The following FCHSD2 variants were observed in gnomAD, a reference collection of about 807,000 sequenced individuals.
FCHSD2 encodes the protein FCH and double SH3 domains 2.
A neutral mutation model predicts 108.1 loss-of-function variants in FCHSD2; 38 were observed. The observed-to-expected ratio is 0.35, with a 90% CI of 0.27 to 0.46. The LOEUF (loss-of-function observed/expected upper bound fraction) is 0.46. FCHSD2 is among the 20% of genes least tolerant of loss of function. The pLI is 1.00. For synonymous variants in FCHSD2, 279 were observed against 314.7 expected, an observed-to-expected ratio of 0.89 and a Z score of 1.20; for missense variants, 751 against 897.8, an observed-to-expected ratio of 0.84 and a Z score of 2.09.
chr11:73,081,462 A>G (rs1565401144), intron 3 of FCHSD2, among the ~76,000 whole-genome samples: 4 of 152,170 alleles, frequency 2.6e-5, no homozygotes, highest in Admixed American at 6.6e-5. Flanking sequence ...ATCTTGTTAC[A>G]GAAGACTGTA....
chr11:73,026,760 G>A (rs1398681290), intron 3 of FCHSD2, among the ~76,000 whole-genome samples: 4 of 152,140 alleles, frequency 2.6e-5, no homozygotes, highest in Non-Finnish European at 5.9e-5. Flanking sequence ...GAGGTGATTG[G>A]ATCACAGGGG....
chr11:73,045,178 C>G (rs1043762352), intron 3 of FCHSD2, among the ~76,000 whole-genome samples: 3 of 152,126 alleles, frequency 2.0e-5, no homozygotes, highest in Admixed American at 2.0e-4. Context: ...TGCTCATCAT[C>G]ACTGGCCATC....
intron 8 of FCHSD2, among the ~76,000 whole-genome samples, chr11:72,964,137 T>C (rs1306786524): frequency 2.0e-5 from 3 of 152,224 alleles, no homozygotes; most frequent in Non-Finnish European, 4.4e-5. Context: ...CATTCAAATA[T>C]TTCTCTAAAG....
intron 12 of FCHSD2, among the ~76,000 whole-genome samples, chr11:72,874,279 T>C (rs745518805): frequency 6.6e-6 from 1 of 152,194 alleles, no homozygotes; most frequent in African/African-American, 2.4e-5. Flanking sequence ...CTCGAACTGC[T>C]GGGCTCAAGT....
chr11:72,964,789 CTTTTTTT>C lies in FCHSD2; in HGVS notation c.705+19292_705+19298del, dbSNP rs35280672. On this transcript the variant is annotated intron_variant, in intron 8 of 19. Coordinates refer to ENST00000409418, the MANE Select transcript of FCHSD2 (RefSeq NM_014824.3). ...CAAACATGTAAATTTGATCATTTCACTTTTTTTTTTTTTTTTTTGAGATGGAGTCTTG... is the reference window on the plus strand; with the variant it reads ...CAAACATGTAAATTTGATCATTTCACTTTTTTTTTTTGAGATGGAGTCTTG... Among the ~76,000 whole-genome samples the C allele has an allele frequency of 9.7e-3, 1,282 of 132,202 alleles. 7 individuals are homozygous for C. Among genetic ancestry groups the C allele is most frequent in the Non-Finnish European group, 0.016 (1,003 of 62,364 alleles). 86.7% of individuals were successfully genotyped at this position (132,202 alleles called of 152,430 possible).
At chr11:73,138,592 T>C (rs903796157) in intron 2 of FCHSD2, among the ~76,000 whole-genome samples, 1 of 150,762 alleles carries the variant, frequency 6.6e-6, no homozygotes, top group African/African-American at 2.4e-5. Context: ...GTTTCAGATA[T>C]CTTGCACAGG....
chr11:72,929,580 T>A (rs958274722), intron 8 of FCHSD2, among the ~76,000 whole-genome samples: 9 of 152,194 alleles, frequency 5.9e-5, no homozygotes, highest in Non-Finnish European at 1.3e-4. Flanking sequence ...CTGCCTTAAA[T>A]TGCAATTGTC....
In FCHSD2 at chr11:72,839,414, A is replaced by G. The variant is rs145635734; in HGVS notation, c.2140-540T>C. On this transcript the variant is annotated intron_variant, in intron 19 of 19. Coordinates refer to ENST00000409418, the MANE Select transcript of FCHSD2 (RefSeq NM_014824.3). Reference sequence around the variant, plus strand: ...AAGATGACTCAGGTAACAACTGGAGAAAGGATCAGAGGCAAGCAAGAGTCC... The same window carrying G: ...AAGATGACTCAGGTAACAACTGGAGGAAGGATCAGAGGCAAGCAAGAGTCC... 6.6e-5 allele frequency among the ~76,000 whole-genome samples: 10 copies of G among 152,362 alleles called. 2 individuals carry two copies. Among genetic ancestry groups the G allele is most frequent in the African/African-American group, 2.4e-4 (10 of 41,590 alleles).
Position 72,837,453 on chromosome 11 carries a change from T to A in FCHSD2, c.*1338A>T, listed in dbSNP as rs1219904523. The A allele has an allele frequency of 2.0e-5, 3 of 151,456 alleles. No homozygotes were observed. Among genetic ancestry groups the A allele is most frequent in the Admixed American group, 2.0e-4 (3 of 15,158 alleles). 9.4% of individuals were successfully genotyped at this position (151,456 alleles called of 1,614,324 possible). On this transcript the variant is annotated 3_prime_UTR_variant, in exon 20 of 20. Coordinates refer to ENST00000409418, the MANE Select transcript of FCHSD2 (RefSeq NM_014824.3). ...GTAGATTAAATTCTGCAAATTTGATTTCTTAACCAAGGAAAAAAAAAAAAA... is the reference window on the plus strand; with the variant it reads ...GTAGATTAAATTCTGCAAATTTGATATCTTAACCAAGGAAAAAAAAAAAAA...
At position 72,841,468 on chromosome 11, in the gene FCHSD2, G is replaced by C; in HGVS notation, c.2042C>G (p.Ser681Cys). The C allele has an allele frequency of 6.2e-7, 1 of 1,610,794 alleles. No individual in the cohort carries two copies. The highest frequency in any genetic ancestry group is 1.3e-5 in the African/African-American group (1 of 74,852). Residue 681 changes from serine to cysteine, a missense_variant, in exon 18 of 20, where the codon TCT becomes TGT. Ser to Cys is a moderately radical substitution (Grantham distance 112). Transcript: ENST00000409418. ...AGAACCCTTACCGTTTGCTGAAGGA[G>C]ACCGGGGAAAGTACAGGGAGCTCCT... is the stretch of plus-strand genomic sequence containing the variant. ...DKRSSLYFPRSPSANEKSLHA... is the reference protein window; with the variant it reads ...DKRSSLYFPRCPSANEKSLHA...
chr11:72,858,706 C>G lies in FCHSD2; in HGVS notation c.1309-8817G>C, dbSNP rs72969841. On this transcript the variant is annotated intron_variant, in intron 13 of 19. Transcript: ENST00000409418. ...TGGGTGATGAAATAATCTGTACAAC[C>G]CCCCCATGACACAAGTTTACCTATG... Among the ~76,000 whole-genome samples the G allele has an allele frequency of 7.8e-3, 1,192 of 152,120 alleles. 13 individuals carry two copies. Among genetic ancestry groups the G allele is most frequent in the African/African-American group, 0.027 (1,131 of 41,490 alleles).
chr11:73,013,464 T>C (rs1200574829), intron 4 of FCHSD2, among the ~76,000 whole-genome samples: 1 of 152,220 alleles, frequency 6.6e-6, no homozygotes, highest in Admixed American at 6.5e-5. Context: ...ACATATCTTC[T>C]AGCCTCTCTA....
At chr11:73,006,276 A>G (rs1263553123) in intron 4 of FCHSD2, among the ~76,000 whole-genome samples, 1 of 152,002 alleles carries the variant, frequency 6.6e-6, no homozygotes, top group Non-Finnish European at 1.5e-5. Flanking sequence ...AACATATCCA[A>G]CTTGGATATT....
chr11:72,999,161 A>C (rs1857575678), intron 5 of FCHSD2, among the ~76,000 whole-genome samples: 1 of 152,128 alleles, frequency 6.6e-6, no homozygotes, highest in African/African-American at 2.4e-5. Flanking sequence ...AGTTTGAAGG[A>C]GGTTTCTTTC....
At chr11:73,133,300 C>CA (rs1861046847) in intron 2 of FCHSD2, among the ~76,000 whole-genome samples, 1 of 152,088 alleles carries the variant, frequency 6.6e-6, no homozygotes, top group South Asian at 2.1e-4. Context: ...TATATCCATA[C>CA]AAAAACTTAT....
intron 2 of FCHSD2, among the ~76,000 whole-genome samples, chr11:73,117,566 AT>A (rs999527970): frequency 1.3e-5 from 2 of 152,220 alleles, no homozygotes; most frequent in African/African-American, 4.8e-5. Flanking sequence ...ATTGTGTGGT[AT>A]TTAGTAATTC....
At chr11:73,122,019 C>T (rs1478771843) in intron 2 of FCHSD2, among the ~76,000 whole-genome samples, 1 of 152,132 alleles carries the variant, frequency 6.6e-6, no homozygotes, top group Non-Finnish European at 1.5e-5. Context: ...ATGCTATCTA[C>T]AATATGACTG....
chr11:72,851,593 A>C, intron 13 of FCHSD2, among the ~76,000 whole-genome samples: 1 of 151,892 alleles, frequency 6.6e-6, no homozygotes, highest in East Asian at 1.9e-4. Flanking sequence ...AAAACAAAAA[A>C]TTAGCCGGGC....
chr11:73,011,001 C>T (rs1384537929), intron 4 of FCHSD2, among the ~76,000 whole-genome samples: 1 of 152,096 alleles, frequency 6.6e-6, no homozygotes, highest in Non-Finnish European at 1.5e-5. Flanking sequence ...GCTCAGTCTC[C>T]AAGCCTGCAG....
Sources: gnomAD v4.1 joint callset for allele counts (sites outside exome capture counted in the v4.1 genomes callset) on GRCh38, gnomAD v4.1.1 for gene constraint, MANE v1.5 for transcripts, NCBI Gene and HGNC (gene_info 2026-07-23, HGNC 2026-07-21) for gene names.